LRP1B: variants seen among roughly 807,000 people sequenced by gnomAD.
The protein encoded by LRP1B is low-density lipoprotein receptor-related protein 1B.
Under a neutral mutation model 556.6 loss-of-function variants are expected in LRP1B, and 217 were observed. The ratio of observed to expected loss-of-function variants is 0.39; its 90% CI spans 0.35 to 0.44. The LOEUF (loss-of-function observed/expected upper bound fraction) is 0.44. LRP1B is among the 20% of genes least tolerant of loss of function. The pLI, the probability that LRP1B is intolerant of heterozygous loss-of-function variation, is 1.00. For synonymous variants in LRP1B, 2,047 were observed against 1,865.8 expected, an observed-to-expected ratio of 1.10 and a Z score of -2.50; for missense variants, 5,053 against 5,620.8, an observed-to-expected ratio of 0.90 and a Z score of 3.23.
chr2:141,739,680 GTT>G lies in LRP1B; in HGVS notation c.205+70597_205+70598del, dbSNP rs530110334. On this transcript the variant is annotated intron_variant, in intron 2 of 90. Transcript: ENST00000389484. ...CATAATTAGATATTATCTACTGGTT[GTT>G]TTTTTTTTTTTGCCACCATTAATAT... Among the ~76,000 whole-genome samples, 288 of 143,130 alleles carry G rather than the reference GTT, an allele frequency of 2.0e-3. 2 individuals are homozygous for G. Among genetic ancestry groups the G allele is most frequent in the African/African-American group, 6.8e-3 (269 of 39,676 alleles). The allele number at this position is 143,130 out of a possible 152,430, so 93.9% of individuals were successfully genotyped here.
intron 1 of LRP1B, among the ~76,000 whole-genome samples, chr2:141,814,359 G>A (rs1250114895): frequency 6.6e-6 from 1 of 152,074 alleles, no homozygotes; most frequent in African/African-American, 2.4e-5. Flanking sequence ...CTAACTGCCT[G>A]ACTGAGTGGT....
At chr2:140,668,641 AT>A (rs1253215289) in intron 41 of LRP1B, among the ~76,000 whole-genome samples, 1 of 152,122 alleles carries the variant, frequency 6.6e-6, no homozygotes, top group East Asian at 1.9e-4. Context: ...ATAAACATAA[AT>A]TTTATTTATA....
At chr2:140,763,230 G>C (rs1688990820) in intron 35 of LRP1B, among the ~76,000 whole-genome samples, 1 of 152,012 alleles carries the variant, frequency 6.6e-6, no homozygotes, top group African/African-American at 2.4e-5. Flanking sequence ...ATAATTTACT[G>C]TGAATTGAAG....
intron 37 of LRP1B, among the ~76,000 whole-genome samples, chr2:140,714,794 A>G (rs996813302): frequency 1.3e-5 from 2 of 152,082 alleles, no homozygotes. Context: ...TGTAAGTCCA[A>G]CACTGTGATT....
At chr2:141,324,726 A>G (rs1687374320) in intron 3 of LRP1B, among the ~76,000 whole-genome samples, 1 of 152,130 alleles carries the variant, frequency 6.6e-6, no homozygotes, top group South Asian at 2.1e-4. Context: ...TTCTTGTATT[A>G]AGAAAGTCTG....
intron 1 of LRP1B, among the ~76,000 whole-genome samples, chr2:142,113,632 C>CTAAATAAA (rs1707083276): frequency 6.6e-6 from 1 of 151,994 alleles, no homozygotes; most frequent in Non-Finnish European, 1.5e-5. Context: ...ACAAAACTAA[C>CTAAATAAA]TAACTAAATA....
chr2:142,129,463 T>C (rs186555370), intron 1 of LRP1B, among the ~76,000 whole-genome samples: 2 of 152,348 alleles, frequency 1.3e-5, no homozygotes, highest in East Asian at 3.9e-4. Flanking sequence ...TGTTCTTTCC[T>C]ATAATGAAGC....
At chr2:140,482,050 A>C (rs1688267857) in intron 59 of LRP1B, among the ~76,000 whole-genome samples, 1 of 152,118 alleles carries the variant, frequency 6.6e-6, no homozygotes. Flanking sequence ...AACACTTCTC[A>C]TTTTCTCTAC....
chr2:140,513,135 G>A (rs990000639), intron 51 of LRP1B, among the ~76,000 whole-genome samples: 2 of 152,048 alleles, frequency 1.3e-5, no homozygotes, highest in African/African-American at 2.4e-5. Context: ...TATGTTGGAT[G>A]ATCATATTAG....
In LRP1B at chr2:141,195,375, G is replaced by A. The variant is rs114487125; in HGVS notation, c.851-6792C>T. Among the ~76,000 whole-genome samples the A allele has an allele frequency of 1.9e-3, 291 of 152,208 alleles. 1 individual carries two copies. The highest frequency in any genetic ancestry group is 6.8e-3 in the African/African-American group (281 of 41,538). On this transcript the variant is annotated intron_variant, in intron 6 of 90. Transcript: ENST00000389484. The stretch of plus-strand genomic sequence containing the variant: ...ACATCTTGATTGCAACCTCATGAGA[G>A]TCTCTATAACAGAACCACCTCACTA...
chr2:141,359,370 G>C (rs992536357), intron 3 of LRP1B, among the ~76,000 whole-genome samples: 1 of 150,580 alleles, frequency 6.6e-6, no homozygotes, highest in Non-Finnish European at 1.5e-5. Flanking sequence ...GAATGAGAAA[G>C]TACATACAGG....
At chr2:140,365,009 G>A (rs1178544686) in intron 71 of LRP1B, among the ~76,000 whole-genome samples, 1 of 151,252 alleles carries the variant, frequency 6.6e-6, no homozygotes, top group African/African-American at 2.4e-5. Context: ...TCTCATATAT[G>A]TCTATTTTTT....
chr2:142,112,004 T>A (rs1489760931), intron 1 of LRP1B, among the ~76,000 whole-genome samples: 1 of 152,050 alleles, frequency 6.6e-6, no homozygotes, highest in Non-Finnish European at 1.5e-5. Context: ...TACACCATAT[T>A]GCCACTGAGT....
At chr2:141,478,818 T>A (rs4625846) in intron 3 of LRP1B, among the ~76,000 whole-genome samples, 47,760 of 151,990 alleles carry the variant, frequency 0.31, 8,452 homozygotes, top group Non-Finnish European at 0.4. Context: ...GTGCTGGGAT[T>A]ACAGGAGTGA....
chr2:140,359,722 AC>A (rs1682418299), intron 72 of LRP1B, among the ~76,000 whole-genome samples: 1 of 151,722 alleles, frequency 6.6e-6, no homozygotes, highest in Admixed American at 6.6e-5. Context: ...CATCCTGAAG[AC>A]TTTCAATTCT....
intron 1 of LRP1B, among the ~76,000 whole-genome samples, chr2:142,023,086 T>A (rs1703392710): frequency 6.6e-6 from 1 of 152,194 alleles, no homozygotes. Flanking sequence ...AAGAATTATA[T>A]CTGAATCAGT....
intron 49 of LRP1B, among the ~76,000 whole-genome samples, chr2:140,519,855 GA>G: frequency 6.6e-6 from 1 of 152,192 alleles, no homozygotes; most frequent in South Asian, 2.1e-4. Context: ...ACAGACACAT[GA>G]AAAAAATGCT....
intron 7 of LRP1B, among the ~76,000 whole-genome samples, chr2:141,093,234 G>A (rs904079955): frequency 6.6e-6 from 1 of 152,124 alleles, no homozygotes; most frequent in African/African-American, 2.4e-5. Context: ...CCTGGAGAGT[G>A]CACTCAAGGT....
chr2:141,541,408 T>C (rs532726281), intron 2 of LRP1B, among the ~76,000 whole-genome samples: 21 of 152,158 alleles, frequency 1.4e-4, no homozygotes, highest in African/African-American at 4.6e-4. Context: ...TTAAAAACAG[T>C]AATTTGGAAA....
Sources: allele counts gnomAD v4.1 joint callset (sites outside exome capture counted in the v4.1 genomes callset), GRCh38; gene constraint gnomAD v4.1.1; transcripts MANE v1.5; gene names NCBI Gene and HGNC (gene_info 2026-07-23, HGNC 2026-07-21).